NSMCE2: variants seen among roughly 807,000 people sequenced by gnomAD.
NSMCE2 encodes NSE2 SUMO ligase component of SMC5/6 complex.
A neutral mutation model predicts 23.8 loss-of-function variants in NSMCE2; 24 were observed. That is an observed-to-expected ratio of 1.01 (90% confidence interval 0.73 to 1.42). The LOEUF is 1.42. Among genes scored for constraint, NSMCE2 ranks in the 40% most tolerant of loss-of-function variants. The pLI is 0.00. For synonymous variants in NSMCE2, 92 were observed against 94.1 expected (o/e 0.98, Z 0.13); for missense variants, 284 against 296.5 (o/e 0.96, Z 0.31).
chr8:125,092,974 A>G (rs757957295), intron 1 of NSMCE2, among the ~76,000 whole-genome samples: 6 of 152,230 alleles, frequency 3.9e-5, no homozygotes, highest in Non-Finnish European at 8.8e-5. Context: ...GATGCCAACC[A>G]CAAAGTCTAC....
At chr8:125,295,628 A>G (rs889124386) in intron 5 of NSMCE2, among the ~76,000 whole-genome samples, 2 of 152,220 alleles carry the variant, frequency 1.3e-5, no homozygotes, top group Non-Finnish European at 2.9e-5. Flanking sequence ...AGAGTGGATC[A>G]TTAACCCTTC....
chr8:125,228,092 T>C (rs972342438), intron 5 of NSMCE2, among the ~76,000 whole-genome samples: 3 of 152,200 alleles, frequency 2.0e-5, no homozygotes, highest in Non-Finnish European at 4.4e-5. Flanking sequence ...TCTTATACTA[T>C]GTATTGAGTC....
intron 5 of NSMCE2, among the ~76,000 whole-genome samples, chr8:125,306,648 C>T (rs1357961145): frequency 6.6e-6 from 1 of 152,210 alleles, no homozygotes; most frequent in African/African-American, 2.4e-5. Flanking sequence ...ACAGAGAATT[C>T]CCAAGCCTTC....
At chr8:125,313,999 T>C (rs1273790380) in intron 5 of NSMCE2, among the ~76,000 whole-genome samples, 2 of 152,216 alleles carry the variant, frequency 1.3e-5, no homozygotes, top group African/African-American at 2.4e-5. Context: ...AGGGTAGTTA[T>C]TTAGAATAAT....
At chr8:125,325,222 A>G (rs1287884607) in intron 5 of NSMCE2, among the ~76,000 whole-genome samples, 3 of 152,040 alleles carry the variant, frequency 2.0e-5, no homozygotes, top group Non-Finnish European at 4.4e-5. Flanking sequence ...TCAAGGCTGC[A>G]GTACACTATG....
intron 3 of NSMCE2, among the ~76,000 whole-genome samples, chr8:125,148,189 A>AACTG (rs1820795284): frequency 1.3e-5 from 2 of 152,158 alleles, no homozygotes; most frequent in Non-Finnish European, 2.9e-5. Flanking sequence ...CTGGAGCCTG[A>AACTG]ACTGAGGCTG....
At position 125,102,387 on chromosome 8, in the gene NSMCE2, T is replaced by A. The variant is rs754367104; in HGVS notation, c.57T>A (p.Gly19=). ...CAACTGGTTTCATCTCCTTCAGTGGTGTAGAGTCTGCTCTCTCCTCCTTGA... is the reference window on the plus strand; with the variant it reads ...CAACTGGTTTCATCTCCTTCAGTGGAGTAGAGTCTGCTCTCTCCTCCTTGA... ...SGSTGFISFS[G]VESALSSLKN... Residue 19 remains glycine, a synonymous_variant, in exon 3 of 8, where the codon GGT becomes GGA. Coordinates refer to ENST00000287437, the MANE Select transcript of NSMCE2 (RefSeq NM_173685.4). 1.9e-6 allele frequency: 3 copies of A among 1,613,478 alleles called. No homozygotes were observed. In the East Asian group the frequency reaches 6.7e-5, roughly 36 times the overall value.
intron 5 of NSMCE2, among the ~76,000 whole-genome samples, chr8:125,251,050 G>A (rs1826180701): frequency 6.6e-6 from 1 of 152,134 alleles, no homozygotes; most frequent in South Asian, 2.1e-4. Flanking sequence ...AAAAGTAGTT[G>A]TCTTTGATGG....
intron 5 of NSMCE2, among the ~76,000 whole-genome samples, chr8:125,250,521 C>G (rs765170042): frequency 1.3e-5 from 2 of 152,102 alleles, no homozygotes; most frequent in African/African-American, 2.4e-5. Flanking sequence ...TAAAAACAAC[C>G]TGCTTTTACT....
At chr8:125,346,584 C>T (rs939329492) in intron 5 of NSMCE2, among the ~76,000 whole-genome samples, 2 of 152,138 alleles carry the variant, frequency 1.3e-5, no homozygotes, top group African/African-American at 4.8e-5. Context: ...GTTCATTACC[C>T]AGATAAAAGA....
At chr8:125,171,100 C>G (rs1278026035) in intron 4 of NSMCE2, among the ~76,000 whole-genome samples, 1 of 152,180 alleles carries the variant, frequency 6.6e-6, no homozygotes, top group Admixed American at 6.5e-5. Context: ...CTTTAGGTCT[C>G]TGGTTCAGAT....
chr8:125,099,385 C>A (rs1263966788), intron 1 of NSMCE2, among the ~76,000 whole-genome samples: 1 of 151,856 alleles, frequency 6.6e-6, no homozygotes, highest in Non-Finnish European at 1.5e-5. Context: ...ATCTAGGGGA[C>A]CAGTATCATG....
At position 125,358,666 on chromosome 8, in the gene NSMCE2, A is replaced by G. The variant is rs562941680; in HGVS notation, c.626+848A>G. On this transcript the variant is annotated intron_variant, in intron 7 of 7. Coordinates refer to ENST00000287437, the MANE Select transcript of NSMCE2 (RefSeq NM_173685.4). ...CTCTTATCATGGATTTGTTGCAGGA[A>G]TGGAATTGCAGGTGTGACTAGTTCT... Among the ~76,000 whole-genome samples the G allele has an allele frequency of 2.0e-5, 3 of 152,200 alleles. No individual in the cohort carries two copies. In the East Asian group the frequency reaches 5.8e-4, roughly 29 times the overall value.
chr8:125,198,387 T>A (rs112173997), intron 5 of NSMCE2, among the ~76,000 whole-genome samples: 3,280 of 152,314 alleles, frequency 0.022, 127 homozygotes, highest in African/African-American at 0.075. Flanking sequence ...ATTGAGAGTT[T>A]TTAGCATGAA....
chr8:125,139,766 T>G (rs1349283912), intron 3 of NSMCE2, among the ~76,000 whole-genome samples: 2 of 152,194 alleles, frequency 1.3e-5, no homozygotes, highest in Non-Finnish European at 2.9e-5. Flanking sequence ...CCAAACTATA[T>G]CATCTTCCCA....
chr8:125,248,912 G>A (rs1586668983), intron 5 of NSMCE2, among the ~76,000 whole-genome samples: 1 of 152,168 alleles, frequency 6.6e-6, no homozygotes, highest in African/African-American at 2.4e-5. Flanking sequence ...GCTCATGCCT[G>A]TAATCCCAGC....
intron 5 of NSMCE2, among the ~76,000 whole-genome samples, chr8:125,305,586 T>C (rs990263611): frequency 1.3e-5 from 2 of 152,126 alleles, no homozygotes; most frequent in African/African-American, 4.8e-5. Flanking sequence ...TGCTGGCTTA[T>C]GGTGTTGGAG....
chr8:125,314,757 A>G (rs930130114), intron 5 of NSMCE2, among the ~76,000 whole-genome samples: 6 of 151,996 alleles, frequency 3.9e-5, no homozygotes, highest in African/African-American at 9.7e-5. Flanking sequence ...CTTTCATTCA[A>G]TCTCTTTTCA....
At chr8:125,293,217 C>T (rs1380235402) in intron 5 of NSMCE2, among the ~76,000 whole-genome samples, 1 of 152,172 alleles carries the variant, frequency 6.6e-6, no homozygotes, top group African/African-American at 2.4e-5. Context: ...TGCTGCCCCA[C>T]CTTGCACTCT....
Sources: gnomAD v4.1 joint callset for allele counts (sites outside exome capture counted in the v4.1 genomes callset) on GRCh38, gnomAD v4.1.1 for gene constraint, MANE v1.5 for transcripts, NCBI Gene and HGNC (gene_info 2026-07-23, HGNC 2026-07-21) for gene names.